The following SHISA9 variants were observed in gnomAD, a reference collection of about 807,000 sequenced individuals.
SHISA9 encodes the protein protein shisa-9.
SHISA9 carries 13 observed loss-of-function variants against 38.0 expected under a neutral mutation model. That is an observed-to-expected ratio of 0.34 (90% CI 0.22 to 0.54). The LOEUF is 0.54. Ranked by LOEUF, SHISA9 falls within the 20% of genes least tolerant of loss-of-function variation. SHISA9 has a pLI of 0.91. For synonymous variants in SHISA9, 275 were observed against 242.0 expected (o/e 1.14, Z -1.27); for missense variants, 538 against 575.8 (o/e 0.93, Z 0.67).
chr16:13,434,061 C>G, the SHISA9 span, among the ~76,000 whole-genome samples: 1 of 152,140 alleles, frequency 6.6e-6, no homozygotes, highest in South Asian at 2.1e-4. Context: ...GTAGGGAAGC[C>G]AACAGTGCAG....
chr16:13,465,208 C>T, the SHISA9 span, among the ~76,000 whole-genome samples: 2 of 152,138 alleles, frequency 1.3e-5, no homozygotes, highest in East Asian at 3.9e-4. Context: ...TGTTAGATGC[C>T]AGCAGCCCTC....
chr16:13,506,638 G>A, the SHISA9 span, among the ~76,000 whole-genome samples: 1 of 152,192 alleles, frequency 6.6e-6, no homozygotes, highest in Non-Finnish European at 1.5e-5. Context: ...CAAAAACAAA[G>A]AGGATGGAGC....
rs545428659 is a variant in SHISA9, at chr16:13,128,216, G to A, written c.692-75178G>A. ...GATTAGCACAAAAAGGCTCTCCTGG[G>A]TGAAGGAAAGGAAGGGAAGAGAAGA... On this transcript the variant is annotated intron_variant, in intron 2 of 4. Coordinates refer to ENST00000558583, the MANE Select transcript of SHISA9 (RefSeq NM_001145204.3). Among the ~76,000 whole-genome samples, 7 of 152,298 alleles carry A rather than the reference G, an allele frequency of 4.6e-5. No individual in the cohort carries two copies. The South Asian group carries it at 1.5e-3, about 32-fold the overall frequency.
chr16:13,416,907 G>A, the SHISA9 span, among the ~76,000 whole-genome samples: 3 of 151,730 alleles, frequency 2.0e-5, no homozygotes, highest in Admixed American at 6.6e-5. Context: ...AGAAAGAAAG[G>A]CAGAGAAAGA....
intron 4 of SHISA9, among the ~76,000 whole-genome samples, chr16:13,228,135 G>T (rs962307292): frequency 2.0e-5 from 3 of 152,294 alleles, no homozygotes; most frequent in African/African-American, 2.4e-5. Context: ...TGGTTAAGTG[G>T]TGTTCCCAAG....
the SHISA9 span, among the ~76,000 whole-genome samples, chr16:13,504,812 C>T: frequency 2.0e-5 from 3 of 152,248 alleles, no homozygotes; most frequent in Admixed American, 2.0e-4. Context: ...TTATTGTTCT[C>T]GTCTGTGATT....
At chr16:13,431,212 G>A in the SHISA9 span, among the ~76,000 whole-genome samples, 210 of 152,260 alleles carry the variant, frequency 1.4e-3, no homozygotes, top group Non-Finnish European at 2.5e-3. Flanking sequence ...CACTGCTTAG[G>A]TGCCTTTTTC....
At chr16:12,970,670 C>T (rs1005211492) in intron 2 of SHISA9, among the ~76,000 whole-genome samples, 26 of 149,446 alleles carry the variant, frequency 1.7e-4, no homozygotes, top group African/African-American at 5.4e-4. Context: ...ACCACCACAC[C>T]GGCTATTTTT....
chr16:13,548,181 C>A, the SHISA9 span, among the ~76,000 whole-genome samples: 1 of 152,050 alleles, frequency 6.6e-6, no homozygotes, highest in Non-Finnish European at 1.5e-5. Flanking sequence ...TAAGACTGGA[C>A]CTTATCTCTC....
At chr16:13,375,304 G>C in the SHISA9 span, among the ~76,000 whole-genome samples, 7 of 152,238 alleles carry the variant, frequency 4.6e-5, no homozygotes, top group Middle Eastern at 3.4e-3. Flanking sequence ...TATGGTTTTA[G>C]GTCTAACATT....
intron 2 of SHISA9, among the ~76,000 whole-genome samples, chr16:13,075,503 G>A (rs984452107): frequency 3.9e-5 from 6 of 152,092 alleles, no homozygotes; most frequent in Non-Finnish European, 7.4e-5. Flanking sequence ...ACGGGAAGAC[G>A]CAGCAGGCTG....
the SHISA9 span, among the ~76,000 whole-genome samples, chr16:13,397,600 A>G: frequency 6.6e-6 from 1 of 151,968 alleles, no homozygotes. Context: ...ACACCTGGCT[A>G]ATTTTTGTGT....
chr16:13,417,352 C>T, the SHISA9 span, among the ~76,000 whole-genome samples: 3 of 151,842 alleles, frequency 2.0e-5, no homozygotes, highest in East Asian at 5.8e-4. Context: ...CTTTTTGTCA[C>T]TTGCGTTATT....
At chr16:13,491,889 C>G in the SHISA9 span, among the ~76,000 whole-genome samples, 1 of 111,176 alleles carries the variant, frequency 9.0e-6, no homozygotes, top group Non-Finnish European at 1.7e-5. Flanking sequence ...GTTGCCCAGG[C>G]TGTTCTTGAA....
At chr16:13,037,645 G>C (rs552962450) in intron 2 of SHISA9, among the ~76,000 whole-genome samples, 9 of 152,260 alleles carry the variant, frequency 5.9e-5, no homozygotes, top group African/African-American at 2.2e-4. Flanking sequence ...CACTCACACT[G>C]TTATCACCAT....
At chr16:13,458,898 G>A in the SHISA9 span, among the ~76,000 whole-genome samples, 1 of 150,358 alleles carries the variant, frequency 6.7e-6, no homozygotes, top group Non-Finnish European at 1.5e-5. Context: ...ACGGAGTTTC[G>A]CTCTTGTTTC....
Position 12,902,310 on chromosome 16 carries a change from C to T in SHISA9, c.246C>T (p.Gly82=), listed in dbSNP as rs1047747998. The change falls in exon 1 of 5, where the codon GGC becomes GGT. Residue 82 remains glycine (G), a synonymous_variant. Coordinates refer to ENST00000558583, the MANE Select transcript of SHISA9 (RefSeq NM_001145204.3). ...GCCGGGGCTACTTCGATGTCATGGG[C>T]CAGTGGGACCCGCCGTTCAACTGCA... is the stretch of plus-strand genomic sequence containing the variant. The part of the protein sequence containing the change: ...DFCRGYFDVM[G]QWDPPFNCSS... 5 of 1,550,706 alleles carry T rather than the reference C, an allele frequency of 3.2e-6. No homozygotes were observed. In the African/African-American group the frequency reaches 4.1e-5, roughly 13 times the overall value.
chr16:12,942,493 G>A (rs531530767), intron 2 of SHISA9, among the ~76,000 whole-genome samples: 4 of 152,320 alleles, frequency 2.6e-5, no homozygotes, highest in South Asian at 4.1e-4. Context: ...GCTCTGAACA[G>A]CAGCCTTATA....
intron 2 of SHISA9, among the ~76,000 whole-genome samples, chr16:12,998,381 C>A (rs939500890): frequency 6.6e-6 from 1 of 152,176 alleles, no homozygotes; most frequent in Non-Finnish European, 1.5e-5. Context: ...CAGCTTTTCC[C>A]GATGTGGTAA....
Sources: gnomAD v4.1 joint callset for allele counts (sites outside exome capture counted in the v4.1 genomes callset) on GRCh38, gnomAD v4.1.1 for gene constraint, MANE v1.5 for transcripts, NCBI Gene and HGNC (gene_info 2026-07-23, HGNC 2026-07-21) for gene names.